Variants in ERAP1 observed in about 807,000 individuals in gnomAD.
ERAP1 encodes the protein endoplasmic reticulum aminopeptidase 1.
In ERAP1, 86 loss-of-function variants were observed where a neutral mutation model predicts 103.7. The ratio of observed to expected loss-of-function variants is 0.83; its 90% CI spans 0.70 to 0.99. ERAP1 has a LOEUF of 0.99. Ranked by LOEUF, ERAP1 falls within the 50% of genes least tolerant of loss-of-function variation. ERAP1 has a pLI of 0.00. For missense variants in ERAP1, 1,009 were observed against 1,128.4 expected (o/e 0.89, Z 1.52); for synonymous variants, 398 against 402.4 (o/e 0.99, Z 0.13).
chr5:96,907,167 A>G, the ERAP1 span, among the ~76,000 whole-genome samples: 1 of 152,232 alleles, frequency 6.6e-6, no homozygotes, highest in African/African-American at 2.4e-5. Flanking sequence ...GCTAAGGTTT[A>G]TGTTTATATA....
intron 1 of ERAP1, 107 bp downstream of exon 1, chr5:96,807,753 C>T: frequency 3.7e-6 from 3 of 820,026 alleles, no homozygotes; most frequent in Non-Finnish European, 4.4e-6. Context: ...TCCCTCCTCC[C>T]GTGCCCCAGG....
chr5:96,901,748 C>A, the ERAP1 span: 6 of 1,510,338 alleles, frequency 4.0e-6, no homozygotes, highest in South Asian at 7.2e-5. Flanking sequence ...CCTTAGCTTT[C>A]TCTCAGCTCA....
chr5:96,872,589 A>T, the ERAP1 span, among the ~76,000 whole-genome samples: 2 of 152,286 alleles, frequency 1.3e-5, no homozygotes, highest in Admixed American at 1.3e-4. Flanking sequence ...ACAGAGCAAG[A>T]CTCTGTCCCA....
At chr5:96,915,644 T>C in the ERAP1 span, 1 of 1,169,128 alleles carries the variant, frequency 8.6e-7, no homozygotes, top group African/African-American at 1.6e-5. Flanking sequence ...AAACATAAGG[T>C]CAGTATTTCT....
At chr5:96,878,786 G>A in the ERAP1 span, among the ~76,000 whole-genome samples, 20 of 152,124 alleles carry the variant, frequency 1.3e-4, no homozygotes, top group South Asian at 6.2e-4. Flanking sequence ...AAATTAGCTG[G>A]GTGTGGTGGC....
the ERAP1 span, among the ~76,000 whole-genome samples, chr5:96,857,095 C>T: frequency 1.3e-5 from 2 of 152,214 alleles, no homozygotes; most frequent in Non-Finnish European, 2.9e-5. Flanking sequence ...TTTCTTCTGC[C>T]TCTGCCCTCT....
At chr5:96,836,176 G>GTTTTTTTTTTTTTTTTTTTTTTGTT in the ERAP1 span, among the ~76,000 whole-genome samples, 3 of 106,682 alleles carry the variant, frequency 2.8e-5, no homozygotes, top group Non-Finnish European at 5.4e-5. Flanking sequence ...CACCTCTTTG[G>GTTTTTTTTTTTTTTTTTTTTTTGTT]TTTTTTTTTT....
chr5:96,882,456 A>G, the ERAP1 span, among the ~76,000 whole-genome samples: 1 of 152,184 alleles, frequency 6.6e-6, no homozygotes, highest in Non-Finnish European at 1.5e-5. Context: ...GACATGTATG[A>G]TAATGTACTG....
At chr5:96,886,794 G>A in the ERAP1 span, 190 of 1,485,646 alleles carry the variant, frequency 1.3e-4, no homozygotes, top group Middle Eastern at 1.8e-4. Flanking sequence ...GTCAAGGTGA[G>A]ACTGAGTTCT....
At chr5:96,845,070 CTA>C in the ERAP1 span, among the ~76,000 whole-genome samples, 1 of 151,986 alleles carries the variant, frequency 6.6e-6, no homozygotes, top group African/African-American at 2.4e-5. Flanking sequence ...ATACGATAAA[CTA>C]TGTATATTAC....
At chr5:96,875,183 C>A in the ERAP1 span, among the ~76,000 whole-genome samples, 14 of 152,066 alleles carry the variant, frequency 9.2e-5, no homozygotes, top group Non-Finnish European at 1.6e-4. Context: ...GGATGAGGAC[C>A]TGGACTACTT....
At chr5:96,907,972 A>T in the ERAP1 span, among the ~76,000 whole-genome samples, 1 of 152,140 alleles carries the variant, frequency 6.6e-6, no homozygotes, top group Non-Finnish European at 1.5e-5. Context: ...TTTTGAAAAA[A>T]ATTTCCATAA....
the ERAP1 span, chr5:96,881,106 A>G: frequency 3.8e-6 from 1 of 260,672 alleles, no homozygotes; most frequent in African/African-American, 2.2e-5. Flanking sequence ...GGAGAAAGGG[A>G]TCAGATCATG....
the ERAP1 span, among the ~76,000 whole-genome samples, chr5:96,874,575 C>G: frequency 6.6e-6 from 1 of 152,254 alleles, no homozygotes; most frequent in Admixed American, 6.5e-5. Flanking sequence ...AGCCATCCCC[C>G]TTCCTGTGGT....
At chr5:96,909,318 C>T in the ERAP1 span, among the ~76,000 whole-genome samples, 1 of 152,176 alleles carries the variant, frequency 6.6e-6, no homozygotes, top group Admixed American at 6.5e-5. Context: ...ATGTGCAAAA[C>T]ATCTCTACTA....
At chr5:96,878,648 C>A in the ERAP1 span, among the ~76,000 whole-genome samples, 280 of 152,034 alleles carry the variant, frequency 1.8e-3, 1 homozygote, top group African/African-American at 6.6e-3. Flanking sequence ...TAAAATATGG[C>A]CAGGCGCAGT....
the ERAP1 span, chr5:96,896,708 C>T: frequency 6.5e-7 from 1 of 1,547,274 alleles, no homozygotes; most frequent in Non-Finnish European, 8.7e-7. Flanking sequence ...TCTCTTTTTT[C>T]AACTCTTTTG....
the ERAP1 span, among the ~76,000 whole-genome samples, chr5:96,889,990 T>A: frequency 6.6e-6 from 1 of 152,140 alleles, no homozygotes; most frequent in Non-Finnish European, 1.5e-5. Context: ...TATGCTTCCA[T>A]CCGTTATCTG....
Position 96,775,051 on chromosome 5 carries a change from A to C in ERAP1, c.*1345T>G, listed in dbSNP as rs1581506004. ...CGCAAAACACGCTGCAACTTGAATC[A>C]AGTCAGCAACAGAGCACACTATGGG... On this transcript the variant is annotated 3_prime_UTR_variant, in exon 19 of 19. Transcript: ENST00000443439. The C allele has an allele frequency of 1.0e-6, 1 of 985,534 alleles. No individual in the cohort carries two copies. Among genetic ancestry groups the C allele is most frequent in the East Asian group, 1.1e-4 (1 of 8,958 alleles). 61.0% of individuals were successfully genotyped at this position (985,534 alleles called of 1,614,324 possible).
Sources: gnomAD v4.1 joint callset for allele counts (sites outside exome capture counted in the v4.1 genomes callset) on GRCh38, gnomAD v4.1.1 for gene constraint, MANE v1.5 for transcripts, NCBI Gene and HGNC (gene_info 2026-07-23, HGNC 2026-07-21) for gene names.